RUNDC3B: variants seen among roughly 807,000 people sequenced by gnomAD.
The protein encoded by RUNDC3B is RUN domain containing 3B.
A neutral mutation model predicts 58.4 loss-of-function variants in RUNDC3B; 33 were observed. That is an observed-to-expected ratio of 0.56 (90% CI 0.43 to 0.75). RUNDC3B has a LOEUF of 0.75. Among genes scored for constraint, RUNDC3B ranks in the 30% least tolerant of loss-of-function variants. The probability of loss-of-function intolerance (pLI) is 0.00; values close to 1 mark genes in which losing one functional copy is unlikely to be tolerated. For synonymous variants in RUNDC3B, 193 were observed against 195.2 expected (o/e 0.99, Z 0.10); for missense variants, 501 against 535.7 (o/e 0.94, Z 0.64).
intron 4 of RUNDC3B, among the ~76,000 whole-genome samples, chr7:87,735,614 A>G (rs1346192296): frequency 6.6e-6 from 1 of 152,208 alleles, no homozygotes; most frequent in African/African-American, 2.4e-5. Flanking sequence ...TGACTCATGT[A>G]AAGTTATTAC....
chr7:87,801,453 C>A (rs1488808058), intron 8 of RUNDC3B, among the ~76,000 whole-genome samples: 1 of 152,026 alleles, frequency 6.6e-6, no homozygotes, highest in East Asian at 1.9e-4. Flanking sequence ...TGGGATGAGC[C>A]TCTATTTAAA....
chr7:87,726,103 C>T (rs1831214470), intron 4 of RUNDC3B, among the ~76,000 whole-genome samples: 1 of 152,100 alleles, frequency 6.6e-6, no homozygotes, highest in East Asian at 1.9e-4. Flanking sequence ...TAATTAGATC[C>T]CATTTGTCAA....
chr7:87,667,742 T>A (rs529991887), intron 2 of RUNDC3B, among the ~76,000 whole-genome samples: 1 of 152,260 alleles, frequency 6.6e-6, no homozygotes, highest in Non-Finnish European at 1.5e-5. Context: ...ATTGAGATAA[T>A]CATATAGTTT....
intron 10 of RUNDC3B, among the ~76,000 whole-genome samples, chr7:87,823,783 C>CAT (rs148619294): frequency 0.033 from 4,919 of 149,458 alleles, 204 homozygotes; most frequent in East Asian, 0.11. Context: ...TATTCCATTT[C>CAT]ATATATATAC....
chr7:87,825,482 G>A (rs188908950), intron 10 of RUNDC3B, among the ~76,000 whole-genome samples: 274 of 152,188 alleles, frequency 1.8e-3, no homozygotes, highest in Non-Finnish European at 3.3e-3. Flanking sequence ...GCAGGGGTGG[G>A]GCCCTCATGA....
intron 7 of RUNDC3B, among the ~76,000 whole-genome samples, chr7:87,774,244 G>A (rs975333477): frequency 2.6e-5 from 4 of 152,044 alleles, no homozygotes; most frequent in Admixed American, 6.6e-5. Flanking sequence ...GCATATTAAC[G>A]TTGTAAGTTG....
At chr7:87,655,872 A>G (rs1824050378) in intron 2 of RUNDC3B, among the ~76,000 whole-genome samples, 1 of 152,050 alleles carries the variant, frequency 6.6e-6, no homozygotes, top group Non-Finnish European at 1.5e-5. Flanking sequence ...GAGTGGATTA[A>G]TACCTCTATA....
chr7:87,664,695 G>C (rs767083804), intron 2 of RUNDC3B, among the ~76,000 whole-genome samples: 4 of 152,064 alleles, frequency 2.6e-5, no homozygotes, highest in Non-Finnish European at 5.9e-5. Context: ...CAATAGAAAT[G>C]ATCCAATCTG....
chr7:87,682,889 A>T (rs1447099341), intron 2 of RUNDC3B, among the ~76,000 whole-genome samples: 1 of 152,176 alleles, frequency 6.6e-6, no homozygotes, highest in Non-Finnish European at 1.5e-5. Context: ...CTCTTCTTTT[A>T]CTATGAAAGG....
intron 10 of RUNDC3B, among the ~76,000 whole-genome samples, chr7:87,824,258 C>A (rs1010475889): frequency 6.6e-6 from 1 of 151,986 alleles, no homozygotes; most frequent in Non-Finnish European, 1.5e-5. Context: ...TGTGAGGAAC[C>A]CAGTGGGAGG....
At chr7:87,652,939 A>G (rs1344967256) in intron 2 of RUNDC3B, among the ~76,000 whole-genome samples, 5 of 151,978 alleles carry the variant, frequency 3.3e-5, no homozygotes, top group East Asian at 1.9e-4. Context: ...TTGAAGTAAA[A>G]GGACATTTGT....
intron 4 of RUNDC3B, among the ~76,000 whole-genome samples, chr7:87,736,880 TATATA>T (rs1455661693): frequency 2.0e-4 from 8 of 39,198 alleles, no homozygotes; most frequent in East Asian, 7.1e-4. Flanking sequence ...TATATATATA[TATATA>T]TATATTTTTT....
intron 4 of RUNDC3B, among the ~76,000 whole-genome samples, chr7:87,716,880 A>G (rs1361445403): frequency 6.6e-6 from 1 of 152,216 alleles, no homozygotes; most frequent in African/African-American, 2.4e-5. Context: ...TCTGTCTTCT[A>G]GGCTGCAGTG....
chr7:87,774,426 C>G lies in RUNDC3B; in HGVS notation c.799-3372C>G, dbSNP rs186530929. 7.7e-3 allele frequency among the ~76,000 whole-genome samples: 1,167 copies of G among 151,866 alleles called. 11 individuals are homozygous for G. Among genetic ancestry groups the G allele is most frequent in the Middle Eastern group, 0.014 (4 of 292 alleles). ...TGAAGTAAAAAAGAAACAGAATTAA[C>G]AAAACCAAGAGATAATTATTTGCAA... On this transcript the variant is annotated intron_variant, in intron 7 of 10. Coordinates refer to ENST00000394654, the MANE Select transcript of RUNDC3B (RefSeq NM_001134405.2).
At chr7:87,733,071 C>T (rs979153522) in intron 4 of RUNDC3B, among the ~76,000 whole-genome samples, 2 of 152,166 alleles carry the variant, frequency 1.3e-5, no homozygotes, top group African/African-American at 4.8e-5. Context: ...CCTAAAGAGG[C>T]CTAGAAGAGC....
In RUNDC3B at chr7:87,699,870, G is replaced by T. The variant is rs539015253; in HGVS notation, c.239-551G>T. Among the ~76,000 whole-genome samples, 90 of 152,264 alleles carry T rather than the reference G, an allele frequency of 5.9e-4. 1 individual carries two copies. Among genetic ancestry groups the T allele is most frequent in the African/African-American group, 2.1e-3 (89 of 41,544 alleles). On this transcript the variant is annotated intron_variant, in intron 2 of 10. Transcript: ENST00000394654. Reference sequence around the variant, plus strand: ...GGGAGCTTTATAGATGAGAATGGTTGGGTAGGTGGTTATGCATTATTAGTG... The same window carrying T: ...GGGAGCTTTATAGATGAGAATGGTTTGGTAGGTGGTTATGCATTATTAGTG...
chr7:87,804,580 T>C (rs1291882641), intron 8 of RUNDC3B, among the ~76,000 whole-genome samples: 1 of 152,202 alleles, frequency 6.6e-6, no homozygotes, highest in Non-Finnish European at 1.5e-5. Flanking sequence ...GCTGTGATAA[T>C]TCTACTCTTG....
intron 6 of RUNDC3B, among the ~76,000 whole-genome samples, chr7:87,749,273 G>T (rs1238474403): frequency 1.3e-5 from 2 of 152,080 alleles, no homozygotes; most frequent in Admixed American, 6.6e-5. Context: ...TTTTTGAAAG[G>T]TACAATAATG....
intron 1 of RUNDC3B, among the ~76,000 whole-genome samples, chr7:87,641,108 AAT>A (rs1240457253): frequency 2.0e-5 from 3 of 152,046 alleles, no homozygotes; most frequent in Admixed American, 2.0e-4. Context: ...AATGCCACAC[AAT>A]GTTTATTAAG....
Sources: gnomAD v4.1 joint callset for allele counts (sites outside exome capture counted in the v4.1 genomes callset) on GRCh38, gnomAD v4.1.1 for gene constraint, MANE v1.5 for transcripts, NCBI Gene and HGNC (gene_info 2026-07-23, HGNC 2026-07-21) for gene names.